PLD1: variants seen among roughly 807,000 people sequenced by gnomAD.
PLD1 encodes choline phosphatase 1.
In PLD1, 112 loss-of-function variants were observed where a neutral mutation model predicts 137.1. The ratio of observed to expected loss-of-function variants is 0.82; its 90% CI spans 0.70 to 0.96. The LOEUF (loss-of-function observed/expected upper bound fraction) is 0.96. Ranked by LOEUF, PLD1 falls within the 40% of genes least tolerant of loss-of-function variation. The probability of loss-of-function intolerance (pLI) is 0.00; values close to 1 mark genes in which losing one functional copy is unlikely to be tolerated. For synonymous variants in PLD1, 431 were observed against 454.7 expected, an observed-to-expected ratio of 0.95 and a Z score of 0.66; for missense variants, 1,321 against 1,342.0, an observed-to-expected ratio of 0.98 and a Z score of 0.24.
intron 17 of PLD1, 78 bp from the exon 18 acceptor site, chr3:171,676,911 C>T (rs1400216703): frequency 1.0e-6 from 1 of 954,584 alleles, no homozygotes; most frequent in Non-Finnish European, 1.6e-6. Flanking sequence ...AACTATGAAA[C>T]TAAAAGGAAA....
At chr3:171,636,977 T>C (rs1179183576) in intron 23 of PLD1, among the ~76,000 whole-genome samples, 1 of 152,208 alleles carries the variant, frequency 6.6e-6, no homozygotes, top group Non-Finnish European at 1.5e-5. Flanking sequence ...GTTTTAATTA[T>C]GAAAGTGTTT....
At chr3:171,611,501 T>G (rs545192008) in intron 25 of PLD1, 1 of 478,408 alleles carries the variant, frequency 2.1e-6, no homozygotes, top group Admixed American at 2.3e-5. Flanking sequence ...TGAATGGACT[T>G]ATTTAGGATC....
rs757410450 is a variant in PLD1 at position 171,687,529 on chromosome 3, A to G, written c.1595T>C (p.Val532Ala). 5 of 1,614,130 alleles carry G rather than the reference A, an allele frequency of 3.1e-6. No individual in the cohort carries two copies. The South Asian group carries it at 5.5e-5, about 18-fold the overall frequency. ...ACTCTTCTGGATGGGTAGGTTTTGA[A>G]CAGGCTCATTTTTATCTTTGAGTCT... ...SLRLKDKNEP[V>A]QNLPIQKSID... The change falls in exon 15 of 27, where the codon GTT (valine) becomes GCT (alanine). Residue 532 changes from valine (V) to alanine (A), a missense_variant. Val to Ala is a moderately conservative substitution (Grantham distance 64, BLOSUM62 0). Transcript: ENST00000351298.
chr3:171,688,897 A>T, intron 13 of PLD1, 21 bp from the exon 14 acceptor site: 1 of 1,576,108 alleles, frequency 6.3e-7, no homozygotes, highest in Non-Finnish European at 8.7e-7. Flanking sequence ...AATAATCCCC[A>T]CTGATAATAT....
At chr3:171,622,599 G>C (rs1437426185) in intron 23 of PLD1, among the ~76,000 whole-genome samples, 1 of 151,376 alleles carries the variant, frequency 6.6e-6, no homozygotes, top group Non-Finnish European at 1.5e-5. Context: ...GAAGAAAGTA[G>C]GAAATGATGA....
chr3:171,620,763 TA>T (rs1394313517), intron 23 of PLD1, among the ~76,000 whole-genome samples: 3,405 of 133,886 alleles, frequency 0.025, 165 homozygotes, highest in African/African-American at 0.1. Context: ...TATATATATA[TA>T]TATATTATAT....
intron 1 of PLD1, among the ~76,000 whole-genome samples, chr3:171,757,287 T>C (rs1298878857): frequency 1.3e-5 from 2 of 152,174 alleles, no homozygotes; most frequent in African/African-American, 4.8e-5. Flanking sequence ...CAAAAGTATG[T>C]GTCACAAAGA....
At chr3:171,769,075 C>CT (rs376715180) in intron 1 of PLD1, among the ~76,000 whole-genome samples, 1 of 151,974 alleles carries the variant, frequency 6.6e-6, no homozygotes, top group African/African-American at 2.4e-5. Context: ...CTGTACAGTC[C>CT]TTTTTTTTCT....
At chr3:171,791,131 C>A (rs1368389238) in intron 1 of PLD1, among the ~76,000 whole-genome samples, 1 of 152,182 alleles carries the variant, frequency 6.6e-6, no homozygotes, top group Non-Finnish European at 1.5e-5. Context: ...GCAACAAATG[C>A]CTTCACAAAG....
intron 16 of PLD1, among the ~76,000 whole-genome samples, chr3:171,682,168 A>AAAGAAAG (rs1241340317): frequency 1.1e-3 from 121 of 105,814 alleles, no homozygotes; most frequent in South Asian, 2.1e-3. Context: ...AAGAAAGAAA[A>AAAGAAAG]AGAAAGAAAG....
intron 23 of PLD1, among the ~76,000 whole-genome samples, chr3:171,639,529 T>C (rs1735470831): frequency 1.1e-5 from 1 of 87,436 alleles, no homozygotes; most frequent in South Asian, 2.8e-4. Flanking sequence ...ATTCATATAA[T>C]ATATATTATA....
Position 171,642,847 on chromosome 3 carries a change from T to A in PLD1, c.2586A>T (p.Lys862Asn). Reference protein sequence around the residue: ...RGENSILGQLKAELGNQWINY... With the variant: ...RGENSILGQLNAELGNQWINY... ...AAAAAAGCAGTTACTTACGCTCTGC[T>A]TTTAACTGTCCAAGGATGGAATTTT... The change falls in exon 23 of 27, where the codon AAA (lysine) becomes AAT (asparagine). Residue 862 changes from lysine (K) to asparagine (N), a missense_variant. Coordinates refer to ENST00000351298, the MANE Select transcript of PLD1 (RefSeq NM_002662.5). 6.3e-7 allele frequency: 1 copy of A among 1,580,422 alleles called. No homozygotes were observed. Among genetic ancestry groups the A allele is most frequent in the Non-Finnish European group, 8.6e-7 (1 of 1,157,436 alleles).
chr3:171,669,927 C>T (rs989348919), intron 19 of PLD1, among the ~76,000 whole-genome samples: 2 of 152,230 alleles, frequency 1.3e-5, no homozygotes, highest in African/African-American at 2.4e-5. Context: ...GATGTTAACA[C>T]AGTCTGGCTC....
intron 19 of PLD1, among the ~76,000 whole-genome samples, chr3:171,668,679 A>G (rs1191652176): frequency 1.3e-5 from 2 of 150,796 alleles, no homozygotes; most frequent in Non-Finnish European, 2.9e-5. Context: ...CAGTAGAGTT[A>G]TTTCCATATA....
At position 171,753,753 on chromosome 3, in the gene PLD1, C is replaced by T. The variant is rs569362822; in HGVS notation, c.-31-15671G>A. ...TCAGTCAACTCCCTCATCAACTTCT[C>T]CTGATCCTGTGACTTTCCCCTATTA... is the stretch of plus-strand genomic sequence containing the variant. On this transcript the variant is annotated intron_variant, in intron 1 of 26. Transcript: ENST00000351298. Among the ~76,000 whole-genome samples, 62 of 152,258 alleles carry T rather than the reference C, an allele frequency of 4.1e-4. 1 individual carries two copies. The highest frequency in any genetic ancestry group is 1.4e-3 in the African/African-American group (60 of 41,556).
intron 12 of PLD1, among the ~76,000 whole-genome samples, chr3:171,698,292 A>G (rs1331080688): frequency 6.6e-6 from 1 of 152,254 alleles, no homozygotes; most frequent in African/African-American, 2.4e-5. Context: ...TGAATTATTT[A>G]ATAAATATGT....
intron 1 of PLD1, among the ~76,000 whole-genome samples, chr3:171,794,940 G>T (rs1240951720): frequency 6.6e-6 from 1 of 152,136 alleles, no homozygotes. Context: ...TTGTAATTGT[G>T]TGCAACACAT....
chr3:171,612,416 A>G lies in PLD1; in HGVS notation c.2745T>C (p.Asn915=), dbSNP rs1463155827. Residue 915 remains asparagine (N), a synonymous_variant, in exon 25 of 27, where the codon AAT becomes AAC. Coordinates refer to ENST00000351298, the MANE Select transcript of PLD1 (RefSeq NM_002662.5). This position sits in a 1 kb window ranked among gnomAD's most constrained non-coding sequence, Gnocchi z 4.1. ...CACGCTTTCCCAGCATGCTGCGGTCATTTATGTTGGCAGAGCCTGTAAGGA... is the reference window on the plus strand; with the variant it reads ...CACGCTTTCCCAGCATGCTGCGGTCGTTTATGTTGGCAGAGCCTGTAAGGA... ...NTVIIGSANI[N]DRSMLGKRDS... is the part of the protein sequence containing the mutation. 4.3e-6 allele frequency: 7 copies of G among 1,613,984 alleles called. No homozygotes were observed. The highest frequency in any genetic ancestry group is 5.9e-6 in the Non-Finnish European group (7 of 1,179,960).
At chr3:171,693,036 C>A (rs192703143) in intron 12 of PLD1, among the ~76,000 whole-genome samples, 59 of 152,230 alleles carry the variant, frequency 3.9e-4, no homozygotes, top group African/African-American at 1.3e-3. Flanking sequence ...AAAATGGACA[C>A]CCAAATTCAA....
Sources: allele counts gnomAD v4.1 joint callset (sites outside exome capture counted in the v4.1 genomes callset), GRCh38; gene constraint gnomAD v4.1.1; non-coding constraint Gnocchi (gnomAD v3.1); transcripts MANE v1.5; gene names NCBI Gene and HGNC (gene_info 2026-07-23, HGNC 2026-07-21).